The following STAC variants were observed in gnomAD, a reference collection of about 807,000 sequenced individuals.
STAC encodes SH3 and cysteine-rich domain-containing protein.
Under a neutral mutation model 48.8 loss-of-function variants are expected in STAC, and 43 were observed. The observed-to-expected ratio is 0.88, with a 90% confidence interval of 0.69 to 1.14. The LOEUF is 1.14. Among genes scored for constraint, STAC ranks in the 50% most tolerant of loss-of-function variants. The pLI, the probability that STAC is intolerant of heterozygous loss-of-function variation, is 0.00. For missense variants in STAC, 497 were observed against 504.0 expected (o/e 0.99, Z 0.13); for synonymous variants, 193 against 179.5 (o/e 1.07, Z -0.60).
intron 6 of STAC, among the ~76,000 whole-genome samples, chr3:36,497,631 A>G (rs1698182137): frequency 6.6e-6 from 1 of 152,104 alleles, no homozygotes; most frequent in South Asian, 2.1e-4. Flanking sequence ...GGATCACTGG[A>G]CAAACAGGAT....
chr3:36,400,510 T>C (rs73054169), intron 1 of STAC, among the ~76,000 whole-genome samples: 3,554 of 152,284 alleles, frequency 0.023, 61 homozygotes, highest in East Asian at 0.026. Context: ...CAAGACAGAA[T>C]ATTTAGACCT....
intron 5 of STAC, among the ~76,000 whole-genome samples, 187 bp downstream of exon 5, chr3:36,486,436 C>A (rs529531685): frequency 6.6e-6 from 1 of 152,274 alleles, no homozygotes; most frequent in Non-Finnish European, 1.5e-5. Context: ...TTGTCAACAC[C>A]AAGGGATTAT....
At position 36,443,576 on chromosome 3, in the gene STAC, T is replaced by C. The variant is rs766039858; in HGVS notation, c.324T>C (p.His108=). ...GTCTGCATCCAGGTGGCAAGGCTCA[T>C]GCCTTTCAGGAATACATCTTCAAGA... The part of the protein sequence containing the change: ...RAGLHPGGKA[H]AFQEYIFKKP... The change falls in exon 2 of 11, where the codon CAT becomes CAC. Residue 108 remains histidine, a synonymous_variant. Transcript: ENST00000273183. The surrounding 1 kb of genome is among the most constrained non-coding windows in gnomAD (Gnocchi z 4.2). 14 of 1,614,158 alleles carry C rather than the reference T, an allele frequency of 8.7e-6. No homozygotes were observed. The highest frequency in any genetic ancestry group is 1.0e-5 in the Non-Finnish European group (12 of 1,180,042).
chr3:36,461,421 A>G (rs1697013751), intron 2 of STAC, among the ~76,000 whole-genome samples: 1 of 152,204 alleles, frequency 6.6e-6, no homozygotes, highest in African/African-American at 2.4e-5. Flanking sequence ...GCATCAATGA[A>G]CAAACCAGGC....
chr3:36,519,915 C>A (rs747856569), intron 8 of STAC, among the ~76,000 whole-genome samples: 15 of 152,150 alleles, frequency 9.9e-5, no homozygotes, highest in Non-Finnish European at 2.1e-4. Flanking sequence ...TAATAACTGA[C>A]TATATTCCAC....
chr3:36,531,653 CA>C (rs1699068512), intron 10 of STAC, among the ~76,000 whole-genome samples: 1 of 152,126 alleles, frequency 6.6e-6, no homozygotes, highest in Admixed American at 6.6e-5. Flanking sequence ...CTAATGGTAC[CA>C]GATGCCCCAT....
rs1286319766 is a variant in STAC, at chr3:36,528,909, A to G, written c.1034A>G (p.Asn345Ser). ...PANFVQRLQQNEKIFRCVRTF... is the reference protein window; with the variant it reads ...PANFVQRLQQSEKIFRCVRTF... ...AACTTTGTTCAGAGACTACAACAAA[A>G]TGAGAAGATTTTTAGATGTGTTAGA... The change falls in exon 10 of 11, where the codon AAT (asparagine) becomes AGT (serine). Residue 345 changes from asparagine (N) to serine (S), a missense_variant. By Grantham distance (46) the Asn-to-Ser change is conservative. Coordinates refer to ENST00000273183, the MANE Select transcript of STAC (RefSeq NM_003149.3). 1.2e-6 allele frequency: 2 copies of G among 1,613,862 alleles called. No individual in the cohort carries two copies. The highest frequency in any genetic ancestry group is 2.2e-5 in the South Asian group (2 of 91,050).
chr3:36,465,031 G>A (rs1277635792), intron 2 of STAC, among the ~76,000 whole-genome samples: 4 of 152,074 alleles, frequency 2.6e-5, no homozygotes, highest in African/African-American at 9.7e-5. Context: ...GTTCTTTACA[G>A]AGTCTCCACA....
chr3:36,486,167 C>T lies in STAC; in HGVS notation c.605C>T (p.Thr202Ile), dbSNP rs1445953153. 6.2e-7 allele frequency: 1 copy of T among 1,613,930 alleles called. No homozygotes were observed. The change falls in exon 5 of 11, where the codon ACC (threonine) becomes ATC (isoleucine). Residue 202 changes from threonine (T) to isoleucine (I), a missense_variant. Coordinates refer to ENST00000273183, the MANE Select transcript of STAC (RefSeq NM_003149.3). Reference protein sequence around the residue: ...CGNKVDPVYETLRFGTSLAQR... With the variant: ...CGNKVDPVYEILRFGTSLAQR... ...AATAAGGTGGACCCTGTCTACGAGA[C>T]CCTCCGCTTCGGCACCTCCCTGGCC...
intron 1 of STAC, among the ~76,000 whole-genome samples, chr3:36,420,526 G>A (rs990626770): frequency 2.0e-5 from 3 of 152,130 alleles, no homozygotes; most frequent in Non-Finnish European, 4.4e-5. Context: ...GATCAGCAGT[G>A]GCATTAGATT....
chr3:36,530,525 C>T (rs1217654972), intron 10 of STAC, among the ~76,000 whole-genome samples: 1 of 149,546 alleles, frequency 6.7e-6, no homozygotes, highest in Non-Finnish European at 1.5e-5. Flanking sequence ...CTTTAACTGA[C>T]TTTATCATTT....
chr3:36,494,982 T>C (rs376696897), intron 6 of STAC, among the ~76,000 whole-genome samples: 5 of 152,312 alleles, frequency 3.3e-5, no homozygotes, highest in African/African-American at 1.2e-4. Context: ...GTCTGACCTC[T>C]GCTTTCCCCT....
intron 8 of STAC, among the ~76,000 whole-genome samples, chr3:36,515,655 T>C (rs996856867): frequency 6.6e-6 from 1 of 151,336 alleles, no homozygotes; most frequent in Admixed American, 6.6e-5. Context: ...ATCTGCATTT[T>C]ACATAAGATA....
At chr3:36,440,005 G>A (rs1483035174) in intron 1 of STAC, among the ~76,000 whole-genome samples, 1 of 152,336 alleles carries the variant, frequency 6.6e-6, no homozygotes, top group East Asian at 1.9e-4. Flanking sequence ...CAGAGGGAAA[G>A]GGACAAAAGT....
Position 36,380,671 on chromosome 3 carries a change from G to A in STAC, c.28G>A (p.Asp10Asn), listed in dbSNP as rs951401457. ...GATCCCTCCGAGCAGCCCCCGCGAG[G>A]ACGGCGTGGACGGGCTGCCCAAGGA... Reference protein sequence around the residue: MIPPSSPREDGVDGLPKEAV... With the variant: MIPPSSPRENGVDGLPKEAV... The change falls in exon 1 of 11, where the codon GAC becomes AAC. Residue 10 changes from aspartate (D) to asparagine (N), a missense_variant. Asp to Asn is a conservative substitution (Grantham distance 23). Coordinates refer to ENST00000273183, the MANE Select transcript of STAC (RefSeq NM_003149.3). The A allele has an allele frequency of 6.2e-7, 1 of 1,605,258 alleles. No homozygotes were observed. Among genetic ancestry groups the A allele is most frequent in the Non-Finnish European group, 8.5e-7 (1 of 1,176,426 alleles).
At chr3:36,386,851 A>G (rs1699626804) in intron 1 of STAC, among the ~76,000 whole-genome samples, 1 of 152,074 alleles carries the variant, frequency 6.6e-6, no homozygotes. Flanking sequence ...AACAGATTTG[A>G]GTTATTTTTG....
intron 8 of STAC, among the ~76,000 whole-genome samples, chr3:36,517,804 G>T (rs1698709270): frequency 6.6e-6 from 1 of 152,094 alleles, no homozygotes; most frequent in Admixed American, 6.6e-5. Flanking sequence ...CCAAGTGGGT[G>T]TGTACATGTG....
intron 1 of STAC, among the ~76,000 whole-genome samples, chr3:36,400,481 A>G (rs930539445): frequency 1.3e-5 from 2 of 152,222 alleles, no homozygotes; most frequent in Non-Finnish European, 1.5e-5. Context: ...TAACACACAC[A>G]TACTACAAGC....
At chr3:36,464,434 A>AT (rs35713327) in intron 2 of STAC, among the ~76,000 whole-genome samples, 138,287 of 152,116 alleles carry the variant, frequency 0.91, 63,090 homozygotes, top group African/African-American at 0.98. Context: ...TTGTCAGATT[A>AT]TTTTTAATTT....
Sources: gnomAD v4.1 joint callset for allele counts (sites outside exome capture counted in the v4.1 genomes callset) on GRCh38, gnomAD v4.1.1 for gene constraint, Gnocchi (gnomAD v3.1) non-coding constraint, MANE v1.5 for transcripts, NCBI Gene and HGNC (gene_info 2026-07-23, HGNC 2026-07-21) for gene names.